The following HYDIN variants were observed in gnomAD, a reference collection of about 807,000 sequenced individuals.
HYDIN encodes HYDIN axonemal central pair apparatus protein.
Under a neutral mutation model 403.9 loss-of-function variants are expected in HYDIN, and 132 were observed. The ratio of observed to expected loss-of-function variants is 0.33; its 90% confidence interval spans 0.28 to 0.38. The LOEUF (loss-of-function observed/expected upper bound fraction) is 0.38. HYDIN is among the 10% of genes least tolerant of loss of function. The pLI is 1.00. For missense variants in HYDIN, 2,827 were observed against 5,009.5 expected (o/e 0.56, Z 13.15); for synonymous variants, 1,202 against 1,891.7 (o/e 0.64, Z 9.46).
chr16:71,186,232 G>A (rs909864455), intron 2 of HYDIN, among the ~76,000 whole-genome samples: 1 of 152,060 alleles, frequency 6.6e-6, no homozygotes, highest in African/African-American at 2.4e-5. Context: ...TCTACAGCAT[G>A]TGGTTCATAA....
At chr16:71,011,193 C>T (rs2080070046) in intron 23 of HYDIN, among the ~76,000 whole-genome samples, 4 of 151,974 alleles carry the variant, frequency 2.6e-5, no homozygotes, top group Non-Finnish European at 5.9e-5. Flanking sequence ...AAACAGCCAC[C>T]AATTTGGGAG....
chr16:71,045,281 T>C (rs2081415594), intron 18 of HYDIN, among the ~76,000 whole-genome samples: 1 of 152,204 alleles, frequency 6.6e-6, no homozygotes. Flanking sequence ...CTCATGATTT[T>C]CTCATTTTGT....
intron 44 of HYDIN, 73 bp downstream of exon 44, chr16:70,938,541 C>T (rs904619429): frequency 1.4e-5 from 13 of 953,062 alleles, no homozygotes; most frequent in African/African-American, 1.3e-4. Flanking sequence ...TGGGCTCACA[C>T]CCCGGTCCTG....
In HYDIN at chr16:70,872,092, A is replaced by T. The variant is rs777789994; in HGVS notation, c.11036T>A (p.Val3679Glu). 26 of 1,568,204 alleles carry T rather than the reference A, an allele frequency of 1.7e-5. No homozygotes were observed. The highest frequency in any genetic ancestry group is 2.6e-6 in the Non-Finnish European group (3 of 1,158,112). ...ASFTVTNHSQ[V>E]NLIRFEWPVS... Reference sequence around the variant, plus strand: ...AGGCCATTCAAACCGTATCAAGTTCACTTGGCTGTGATTTGTGACTGTGAA... The same window carrying T: ...AGGCCATTCAAACCGTATCAAGTTCTCTTGGCTGTGATTTGTGACTGTGAA... The change falls in exon 65 of 86, where the codon GTG (valine) becomes GAG (glutamate). Residue 3679 changes from valine to glutamate, a missense_variant. Val to Glu is a moderately radical substitution (Grantham distance 121). Transcript: ENST00000393567.
At chr16:70,966,699 G>T (rs1361779896) in intron 36 of HYDIN, among the ~76,000 whole-genome samples, 1 of 151,028 alleles carries the variant, frequency 6.6e-6, no homozygotes, top group African/African-American at 2.4e-5. Flanking sequence ...CAAGAAAATT[G>T]TATCTGATCT....
At chr16:71,040,341 C>G (rs2081244293) in intron 18 of HYDIN, among the ~76,000 whole-genome samples, 3 of 147,478 alleles carry the variant, frequency 2.0e-5, no homozygotes, top group African/African-American at 7.4e-5. Context: ...ACAGGTTTAT[C>G]TTTCAGTGAT....
chr16:71,037,528 C>T (rs1003146920), intron 18 of HYDIN, among the ~76,000 whole-genome samples: 1 of 151,470 alleles, frequency 6.6e-6, no homozygotes, highest in African/African-American at 2.4e-5. Context: ...TAGGTAAGGT[C>T]CCAAATCAGC....
intron 10 of HYDIN, among the ~76,000 whole-genome samples, chr16:71,100,586 G>A (rs1421848283): frequency 1.3e-5 from 2 of 152,186 alleles, no homozygotes; most frequent in Non-Finnish European, 2.9e-5. Context: ...CAGAATAGAT[G>A]CACAAATACA....
At position 70,830,025 on chromosome 16, in the gene HYDIN, C is replaced by G. The variant is rs1316788025; in HGVS notation, c.13900-195G>C. 5.9e-5 allele frequency among the ~76,000 whole-genome samples: 9 copies of G among 152,216 alleles called. No homozygotes were observed. In the South Asian group the frequency reaches 1.5e-3, roughly 25 times the overall value. ...TACCTTCTATGTGCTAGGCACTGTT[C>G]TTGGTGGTAGAGATGTAGCAATGAA... On this transcript the variant is annotated intron_variant, in intron 80 of 85. Transcript: ENST00000393567.
chr16:71,011,460 A>G (rs2080079162), intron 23 of HYDIN, among the ~76,000 whole-genome samples: 1 of 152,128 alleles, frequency 6.6e-6, no homozygotes, highest in South Asian at 2.1e-4. Flanking sequence ...TAATCCTAGC[A>G]CTTCGGGAGA....
intron 1 of HYDIN, among the ~76,000 whole-genome samples, chr16:71,208,894 C>T (rs985043461): frequency 2.0e-5 from 3 of 152,080 alleles, no homozygotes; most frequent in African/African-American, 2.4e-5. Flanking sequence ...GAAATTGAAT[C>T]AGTAAAAAAT....
chr16:71,189,096 T>C (rs2087293306), intron 1 of HYDIN, among the ~76,000 whole-genome samples: 1 of 152,232 alleles, frequency 6.6e-6, no homozygotes, highest in African/African-American at 2.4e-5. Context: ...GAGCTAAAAA[T>C]ATGGTGTTAT....
chr16:70,833,498 T>C (rs983234576), intron 79 of HYDIN, among the ~76,000 whole-genome samples: 5 of 133,338 alleles, frequency 3.7e-5, no homozygotes, highest in Admixed American at 3.7e-4. Flanking sequence ...CGACAATCCC[T>C]TCCCGTGAGA....
intron 22 of HYDIN, among the ~76,000 whole-genome samples, chr16:71,019,386 A>G (rs2080387304): frequency 2.0e-5 from 3 of 152,292 alleles, no homozygotes; most frequent in African/African-American, 7.2e-5. Context: ...ACATGATTAG[A>G]TGGTTTCGGT....
rs1661035734 is a variant in HYDIN at position 71,230,579 on chromosome 16, C to A, written c.-41G>T. ...CCTCTGACCTTGGTGCACTCCGGGTCCCACGTTTATTCTACCTCCATTCCC... is the reference window on the plus strand; with the variant it reads ...CCTCTGACCTTGGTGCACTCCGGGTACCACGTTTATTCTACCTCCATTCCC... On this transcript the variant is annotated 5_prime_UTR_variant, in exon 1 of 86. Transcript: ENST00000393567. The A allele has an allele frequency of 1.3e-6, 2 of 1,535,486 alleles. No homozygotes were observed. The highest frequency in any genetic ancestry group is 3.9e-5 in the Admixed American group (2 of 50,948).
chr16:71,178,005 G>A (rs2086739573), intron 4 of HYDIN, among the ~76,000 whole-genome samples: 1 of 152,170 alleles, frequency 6.6e-6, no homozygotes, highest in Non-Finnish European at 1.5e-5. Context: ...AACTTTGAAG[G>A]CTATCTTCTA....
At chr16:70,878,559 C>G (rs2143676293) in intron 62 of HYDIN, among the ~76,000 whole-genome samples, 1 of 147,824 alleles carries the variant, frequency 6.8e-6, no homozygotes, top group East Asian at 2.0e-4. Context: ...ATTACTGTAT[C>G]CTTTCATTTT....
chr16:70,913,113 T>A, intron 47 of HYDIN, among the ~76,000 whole-genome samples: 1 of 151,682 alleles, frequency 6.6e-6, no homozygotes, highest in Non-Finnish European at 1.5e-5. Flanking sequence ...CGTATTGCTT[T>A]TTTTTTTGTT....
intron 1 of HYDIN, among the ~76,000 whole-genome samples, chr16:71,206,351 C>A (rs1046668162): frequency 6.6e-6 from 1 of 152,128 alleles, no homozygotes; most frequent in African/African-American, 2.4e-5. Context: ...AGACTAGAAT[C>A]GAAGCCAGTC....
Sources: allele counts gnomAD v4.1 joint callset (sites outside exome capture counted in the v4.1 genomes callset), GRCh38; gene constraint gnomAD v4.1.1; transcripts MANE v1.5; gene names NCBI Gene and HGNC (gene_info 2026-07-23, HGNC 2026-07-21).